TMEM230: variants seen among roughly 807,000 people sequenced by gnomAD.
TMEM230 encodes transmembrane protein 230.
TMEM230 carries 10 observed loss-of-function variants against 15.8 expected under a neutral mutation model. That is an observed-to-expected ratio of 0.63 (90% CI 0.39 to 1.07). The LOEUF (loss-of-function observed/expected upper bound fraction) is 1.07. TMEM230 is among the 50% of genes least tolerant of loss of function. TMEM230 has a pLI of 0.01. For missense variants in TMEM230, 165 were observed against 193.3 expected (o/e 0.85, Z 0.87); for synonymous variants, 67 against 76.9 (o/e 0.87, Z 0.68).
At chr20:5,076,361 G>A (rs1600281488) in intron 3 of TMEM230, among the ~76,000 whole-genome samples, 1 of 152,040 alleles carries the variant, frequency 6.6e-6, no homozygotes, top group Admixed American at 6.6e-5. Context: ...CCAACATGGC[G>A]AAACCCCGTC....
rs145010244 is a variant in TMEM230 at position 5,089,736 on chromosome 20, A to G, written c.222+16452T>C. Among the ~76,000 whole-genome samples the G allele has an allele frequency of 1.2e-4, 19 of 152,130 alleles. No individual in the cohort carries two copies. In the East Asian group the frequency reaches 2.3e-3, roughly 19 times the overall value. ...AAACAAAAACAAAAAACAGTAGTGG[A>G]AAGTATAACAGAGGGCTGCACAGTG... On this transcript the variant is annotated intron_variant, in intron 3 of 3. Transcript: ENST00000612323.
chr20:5,071,753 T>C (rs779628823), intron 3 of TMEM230, among the ~76,000 whole-genome samples: 3 of 152,208 alleles, frequency 2.0e-5, no homozygotes, highest in Non-Finnish European at 4.4e-5. Flanking sequence ...TGTCTTCTTT[T>C]ATTTTTTGAG....
At chr20:5,069,161 G>A (rs779670066) in exon 4 of TMEM230, 1 of 1,501,300 alleles carries the variant, frequency 6.7e-7, no homozygotes, top group South Asian at 1.3e-5. Flanking sequence ...CTTTTAAGAT[G>A]CTTATCTCAA....
intron 3 of TMEM230, among the ~76,000 whole-genome samples, chr20:5,075,135 G>A (rs970346265): frequency 2.7e-5 from 4 of 150,408 alleles, no homozygotes; most frequent in Non-Finnish European, 5.9e-5. Context: ...GCACGATCTC[G>A]GCTCACTGCA....
chr20:5,098,396 C>T (rs372704616), downstream of TMEM230: 8 of 152,232 alleles, frequency 5.3e-5, no homozygotes, highest in South Asian at 8.3e-4. Flanking sequence ...TTCTCCCGTC[C>T]GAGTACTAAC....
At chr20:5,060,323 G>C in the TMEM230 span, among the ~76,000 whole-genome samples, 301 of 146,166 alleles carry the variant, frequency 2.1e-3, 1 homozygote, top group African/African-American at 7.1e-3. Flanking sequence ...ATGTTATACA[G>C]TGTATTGTCT....
intron 3 of TMEM230, among the ~76,000 whole-genome samples, chr20:5,083,171 G>A (rs946253535): frequency 1.3e-5 from 2 of 151,658 alleles, no homozygotes; most frequent in African/African-American, 4.8e-5. Context: ...CATATGAGCC[G>A]CCTGCCTCAG....
intron 3 of TMEM230, among the ~76,000 whole-genome samples, chr20:5,107,145 T>C (rs781222212): frequency 3.9e-5 from 6 of 152,038 alleles, no homozygotes; most frequent in Non-Finnish European, 5.9e-5. Flanking sequence ...CTACAAAAAA[T>C]ACAAAAATTA....
At chr20:5,063,564 G>C (rs6038051), downstream of TMEM230, among the ~76,000 whole-genome samples, 24,079 of 151,940 alleles carry the variant, frequency 0.16, 5,735 homozygotes, top group African/African-American at 0.52. Flanking sequence ...GCTGGGATTA[G>C]AGGTGTGAGC....
At chr20:5,103,643 A>C (rs895984552) in intron 4 of TMEM230, among the ~76,000 whole-genome samples, 1 of 150,260 alleles carries the variant, frequency 6.7e-6, no homozygotes, top group African/African-American at 2.5e-5. Flanking sequence ...AAAAAAAAAA[A>C]CAAACAAAAA....
At chr20:5,090,516 A>G (rs1164216110) in intron 3 of TMEM230, among the ~76,000 whole-genome samples, 1 of 152,164 alleles carries the variant, frequency 6.6e-6, no homozygotes, top group Non-Finnish European at 1.5e-5. Context: ...GTTCTTTCAG[A>G]TGAAACGGAT....
rs113672230 is a variant in TMEM230, at chr20:5,110,287, GTTT to G, written c.175-845_175-843del. ...GGTGGCCGGGCTGGTCTTGAACTCA[GTTT>G]TTTTTTTTTTCTTTGCGATAGTCTC... On this transcript the variant is annotated intron_variant, in intron 2 of 4. Transcript: ENST00000342308. Among the ~76,000 whole-genome samples, 52 of 144,180 alleles carry G rather than the reference GTTT, an allele frequency of 3.6e-4. No homozygotes were observed. The South Asian group carries it at 9.9e-3, about 28-fold the overall frequency. The allele number at this position is 144,180 out of a possible 152,430, so 94.6% of individuals were successfully genotyped here. A position where few individuals can be genotyped will look rare whatever the true frequency, so the allele number is the denominator to read the frequency against.
intron 4 of TMEM230, 148 bp from the exon 4 acceptor site, chr20:5,101,079 C>T (rs553994750): frequency 1.8e-4 from 182 of 1,010,316 alleles, no homozygotes; most frequent in Non-Finnish European, 2.1e-4. Flanking sequence ...AAGGTTTCCT[C>T]CTGATTATAA....
chr20:5,107,131 G>A (rs1469247168), intron 3 of TMEM230, among the ~76,000 whole-genome samples: 1 of 152,116 alleles, frequency 6.6e-6, no homozygotes, highest in South Asian at 2.1e-4. Flanking sequence ...GTGAAACCTC[G>A]TCTCTACAAA....
Position 5,100,596 on chromosome 20 carries a change from G to A in TMEM230, c.*195C>T. 7.3e-7 allele frequency: 1 copy of A among 1,373,324 alleles called. No individual in the cohort carries two copies. 85.1% of individuals were successfully genotyped at this position (1,373,324 alleles called of 1,614,324 possible). Reference sequence around the variant, plus strand: ...GAAAAACTTGTCAGGGCCCAGGGATGAAAAATAGAGCTTGTCCTAATTAGC... The same window carrying A: ...GAAAAACTTGTCAGGGCCCAGGGATAAAAAATAGAGCTTGTCCTAATTAGC... On this transcript the variant is annotated 3_prime_UTR_variant, in exon 5 of 5. Coordinates refer to ENST00000342308, the MANE Select transcript of TMEM230 (RefSeq NM_001009923.2).
downstream of TMEM230, chr20:5,068,223 C>T (rs908242076): frequency 6.6e-6 from 1 of 152,232 alleles, no homozygotes; most frequent in African/African-American, 2.4e-5. Flanking sequence ...AAGGCGTTTT[C>T]TCCAACAACT....
chr20:5,059,390 T>C, the TMEM230 span, among the ~76,000 whole-genome samples: 1 of 152,092 alleles, frequency 6.6e-6, no homozygotes, highest in Non-Finnish European at 1.5e-5. Context: ...CTGTTGTATA[T>C]AGCACATGTT....
intron 4 of TMEM230, among the ~76,000 whole-genome samples, chr20:5,104,148 G>A (rs2089981037): frequency 6.6e-6 from 1 of 152,214 alleles, no homozygotes; most frequent in South Asian, 2.1e-4. Context: ...ATAGGTATAT[G>A]AAAAGGTGCT....
chr20:5,105,441 A>G (rs2090035927), intron 4 of TMEM230, among the ~76,000 whole-genome samples: 1 of 151,866 alleles, frequency 6.6e-6, no homozygotes, highest in Non-Finnish European at 1.5e-5. Context: ...AAATACCAAC[A>G]TTAGCCGGGT....
Sources: gnomAD v4.1 joint callset for allele counts (sites outside exome capture counted in the v4.1 genomes callset) on GRCh38, gnomAD v4.1.1 for gene constraint, MANE v1.5 for transcripts, NCBI Gene and HGNC (gene_info 2026-07-23, HGNC 2026-07-21) for gene names.